Variants in MARCHF5 observed in about 807,000 individuals in gnomAD.
The protein encoded by MARCHF5 is E3 ubiquitin-protein ligase MARCHF5.
A neutral mutation model predicts 36.5 loss-of-function variants in MARCHF5; 5 were observed. The observed-to-expected ratio is 0.14, with a 90% CI of 0.07 to 0.29. The LOEUF (loss-of-function observed/expected upper bound fraction) is 0.29, where lower values mean the gene tolerates loss of function less well. Among genes scored for constraint, MARCHF5 ranks in the 10% least tolerant of loss-of-function variants. The pLI, the probability that MARCHF5 is intolerant of heterozygous loss-of-function variation, is 1.00. For missense variants in MARCHF5, 179 were observed against 336.3 expected, an observed-to-expected ratio of 0.53 and a Z score of 3.66; for synonymous variants, 103 against 109.9, an observed-to-expected ratio of 0.94 and a Z score of 0.39.
Position 92,348,709 on chromosome 10 carries a change from T to A in MARCHF5, c.370-640T>A, listed in dbSNP as rs561184482. Among the ~76,000 whole-genome samples, 3 of 152,274 alleles carry A rather than the reference T, an allele frequency of 2.0e-5. No individual in the cohort carries two copies. In the South Asian group the frequency reaches 6.2e-4, roughly 32 times the overall value. On this transcript the variant is annotated intron_variant, in intron 3 of 5. Coordinates refer to ENST00000358935, the MANE Select transcript of MARCHF5 (RefSeq NM_017824.5). ...CATAGATAGGGTACCCTAGAGTTCC[T>A]GAATTGGGAAAAATGCCTGGGATCT...
chr10:92,302,355 A>C (rs1442421262), intron 1 of MARCHF5, among the ~76,000 whole-genome samples: 1 of 152,150 alleles, frequency 6.6e-6, no homozygotes, highest in Non-Finnish European at 1.5e-5. Context: ...AGTCTCCCTA[A>C]TAGTGTGCTT....
chr10:92,291,587 C>A, intron 1 of MARCHF5, 58 bp downstream of exon 1: 1 of 1,473,546 alleles, frequency 6.8e-7, no homozygotes, highest in Non-Finnish European at 9.0e-7. Flanking sequence ...GCCCTGCCCG[C>A]GCCCGCCCTC....
At chr10:92,312,713 T>C (rs1843158613) in intron 2 of MARCHF5, among the ~76,000 whole-genome samples, 1 of 152,228 alleles carries the variant, frequency 6.6e-6, no homozygotes. Context: ...AATATTTCTA[T>C]TAGATGTTTT....
intron 2 of MARCHF5, among the ~76,000 whole-genome samples, chr10:92,335,122 G>A (rs1245538098): frequency 2.0e-5 from 3 of 152,146 alleles, no homozygotes; most frequent in Admixed American, 6.5e-5. Context: ...TATTTAACTT[G>A]TAAGGTACAT....
rs1368205226 is a variant in MARCHF5, at chr10:92,291,242, A to C, written c.-253A>C. The C allele has an allele frequency of 2.6e-5, 14 of 537,872 alleles. No homozygotes were observed. The highest frequency in any genetic ancestry group is 4.5e-5 in the Non-Finnish European group (14 of 309,260). 33.3% of individuals were successfully genotyped at this position (537,872 alleles called of 1,614,324 possible). The stretch of plus-strand genomic sequence containing the variant: ...ATGGACCGGAACCTCGGGCCGACGG[A>C]CGGGAACCCGGGCCGCGATCGCCGC... On this transcript the variant is annotated 5_prime_UTR_variant, in exon 1 of 6. Transcript: ENST00000358935.
At chr10:92,328,821 A>ATATATATATATATATATATATAT (rs372130854) in intron 2 of MARCHF5, among the ~76,000 whole-genome samples, 1 of 122,444 alleles carries the variant, frequency 8.2e-6, no homozygotes, top group African/African-American at 3.2e-5. Flanking sequence ...ATATATATAT[A>ATATATATATATATATATATATAT]TTTTTTTTTT....
chr10:92,298,632 C>A (rs561051762), intron 1 of MARCHF5, among the ~76,000 whole-genome samples: 22 of 152,094 alleles, frequency 1.4e-4, no homozygotes, highest in Non-Finnish European at 2.4e-4. Context: ...AGTGCAGTGG[C>A]CCATCTCGGC....
At chr10:92,347,101 C>T (rs996059785) in intron 3 of MARCHF5, among the ~76,000 whole-genome samples, 11 of 152,082 alleles carry the variant, frequency 7.2e-5, no homozygotes, top group Admixed American at 7.2e-4. Context: ...TCCAGCTACT[C>T]AGGAGGGTGA....
Position 92,303,222 on chromosome 10 carries a change from C to A in MARCHF5, c.36-7913C>A, listed in dbSNP as rs543737568. 2.6e-5 allele frequency among the ~76,000 whole-genome samples: 4 copies of A among 152,262 alleles called. No homozygotes were observed. In the East Asian group the frequency reaches 7.7e-4, roughly 29 times the overall value. ...ACTGTAAATTAGTCACAAATGAACC[C>A]TGTGAAGTGAGATTGTCTTTGTTAT... On this transcript the variant is annotated intron_variant, in intron 1 of 5. Transcript: ENST00000358935.
rs1343347578 is a variant in MARCHF5 at position 92,327,511 on chromosome 10, A to G, written c.239-13162A>G. 3.3e-5 allele frequency among the ~76,000 whole-genome samples: 5 copies of G among 152,216 alleles called. No homozygotes were observed. The South Asian group carries it at 8.3e-4, about 25-fold the overall frequency. On this transcript the variant is annotated intron_variant, in intron 2 of 5. Transcript: ENST00000358935. ...TAATTTTATGCATGTGTGCAAATAC[A>G]TCTGTAAGATAAATGACTAGAAATA...
chr10:92,319,224 CAT>C (rs1162223200), intron 2 of MARCHF5, among the ~76,000 whole-genome samples: 3 of 151,990 alleles, frequency 2.0e-5, no homozygotes, highest in Non-Finnish European at 2.9e-5. Context: ...AAAAATATAA[CAT>C]GTAACAGTTT....
chr10:92,300,829 A>G lies in MARCHF5; in HGVS notation c.35+9300A>G, dbSNP rs141676252. 4.9e-3 allele frequency among the ~76,000 whole-genome samples: 748 copies of G among 151,656 alleles called. 24 individuals are homozygous for G. Among genetic ancestry groups the G allele is most frequent in the Admixed American group, 0.039 (602 of 15,242 alleles). On this transcript the variant is annotated intron_variant, in intron 1 of 5. Transcript: ENST00000358935. Reference sequence around the variant, plus strand: ...ATAATGCTCTTCTGACCATGTCTGCAGAAATATTTTTCTCTTCTTCTCCAG... The same window carrying G: ...ATAATGCTCTTCTGACCATGTCTGCGGAAATATTTTTCTCTTCTTCTCCAG...
chr10:92,324,942 A>G (rs1033807291), intron 2 of MARCHF5, among the ~76,000 whole-genome samples: 2 of 152,142 alleles, frequency 1.3e-5, no homozygotes, highest in Non-Finnish European at 2.9e-5. Context: ...ACTTGAGAAA[A>G]ACATGTATTC....
chr10:92,292,453 CTT>C (rs1199874631), intron 1 of MARCHF5, among the ~76,000 whole-genome samples: 1 of 152,200 alleles, frequency 6.6e-6, no homozygotes, highest in Non-Finnish European at 1.5e-5. Flanking sequence ...GGTACCAACT[CTT>C]TGTACTCAGT....
At chr10:92,339,679 T>A (rs1843552591) in intron 2 of MARCHF5, among the ~76,000 whole-genome samples, 1 of 151,846 alleles carries the variant, frequency 6.6e-6, no homozygotes. Context: ...CAAAAAAAAA[T>A]AAAAATAATA....
At chr10:92,304,461 T>C (rs886352304) in intron 1 of MARCHF5, among the ~76,000 whole-genome samples, 28 of 152,312 alleles carry the variant, frequency 1.8e-4, no homozygotes, top group South Asian at 6.2e-4. Flanking sequence ...AAACAAAATA[T>C]ATAGGATTAG....
chr10:92,306,043 G>T (rs895785666), intron 1 of MARCHF5, among the ~76,000 whole-genome samples: 1 of 152,210 alleles, frequency 6.6e-6, no homozygotes, highest in African/African-American at 2.4e-5. Flanking sequence ...ATGCGAATTG[G>T]TTAAGTCAAA....
At chr10:92,299,880 C>G (rs1842992002) in intron 1 of MARCHF5, among the ~76,000 whole-genome samples, 1 of 152,030 alleles carries the variant, frequency 6.6e-6, no homozygotes, top group Non-Finnish European at 1.5e-5. Context: ...CTTGTATTTT[C>G]TTACTGCTTA....
intron 2 of MARCHF5, among the ~76,000 whole-genome samples, chr10:92,313,271 C>A (rs779630946): frequency 3.3e-5 from 5 of 151,574 alleles, no homozygotes; most frequent in Non-Finnish European, 5.9e-5. Context: ...TTTGGTTAAG[C>A]CATTTGTATC....
Sources: allele counts gnomAD v4.1 joint callset (sites outside exome capture counted in the v4.1 genomes callset), GRCh38; gene constraint gnomAD v4.1.1; transcripts MANE v1.5; gene names NCBI Gene and HGNC (gene_info 2026-07-23, HGNC 2026-07-21).